CREB5: variants seen among roughly 807,000 people sequenced by gnomAD.
CREB5 encodes cyclic AMP-responsive element-binding protein 5.
CREB5 carries 19 observed loss-of-function variants against 57.1 expected under a neutral mutation model. The ratio of observed to expected loss-of-function variants is 0.33; its 90% CI spans 0.23 to 0.49. The LOEUF is 0.49. Ranked by LOEUF, CREB5 falls within the 20% of genes least tolerant of loss-of-function variation. The pLI is 0.99. For missense variants in CREB5, 579 were observed against 671.6 expected (o/e 0.86, Z 1.52); for synonymous variants, 238 against 238.3 (o/e 1.00, Z 0.01).
intron 5 of CREB5, among the ~76,000 whole-genome samples, chr7:28,682,985 G>A (rs761066914): frequency 4.6e-5 from 7 of 152,166 alleles, no homozygotes; most frequent in African/African-American, 9.7e-5. Context: ...GAACAGCTGC[G>A]CGGTACCCAC....
At chr7:28,362,196 T>C (rs1786500560) in intron 1 of CREB5, among the ~76,000 whole-genome samples, 1 of 152,208 alleles carries the variant, frequency 6.6e-6, no homozygotes, top group South Asian at 2.1e-4. Flanking sequence ...TTAATATCTG[T>C]ATAGAATGGA....
intron 1 of CREB5, among the ~76,000 whole-genome samples, chr7:28,427,617 T>C (rs174026): frequency 0.59 from 89,978 of 151,630 alleles, 27,683 homozygotes; most frequent in East Asian, 0.96. Flanking sequence ...CAACACATTG[T>C]ATTTCCCCAC....
intron 5 of CREB5, among the ~76,000 whole-genome samples, chr7:28,709,031 T>A (rs1233012021): frequency 6.6e-6 from 1 of 152,236 alleles, no homozygotes; most frequent in Non-Finnish European, 1.5e-5. Flanking sequence ...AACTGAGAGA[T>A]GTCTTTCTGA....
At chr7:28,701,346 A>G (rs986822391) in intron 5 of CREB5, among the ~76,000 whole-genome samples, 2 of 152,180 alleles carry the variant, frequency 1.3e-5, no homozygotes, top group African/African-American at 4.8e-5. Flanking sequence ...GATAAAGCCA[A>G]TTAACTCATT....
intron 5 of CREB5, among the ~76,000 whole-genome samples, chr7:28,601,704 G>A (rs1431165299): frequency 6.6e-6 from 1 of 152,166 alleles, no homozygotes; most frequent in Non-Finnish European, 1.5e-5. Context: ...ACTTCTGGTT[G>A]CACTGGAAAC....
chr7:28,657,418 C>T (rs986743975), intron 5 of CREB5, among the ~76,000 whole-genome samples: 1 of 152,088 alleles, frequency 6.6e-6, no homozygotes, highest in Non-Finnish European at 1.5e-5. Context: ...CCACCATATC[C>T]CCTTGGCCTA....
In CREB5 at chr7:28,823,153, G is replaced by A. The variant is rs1433927061; in HGVS notation, c.*3874G>A. Reference sequence around the variant, plus strand: ...GCGGTAACAGACAAGCCTTTGGCTGGGGAGTTTTAAGCCTCGGTAACTGCT... The same window carrying A: ...GCGGTAACAGACAAGCCTTTGGCTGAGGAGTTTTAAGCCTCGGTAACTGCT... On this transcript the variant is annotated 3_prime_UTR_variant, in exon 11 of 11. Coordinates refer to ENST00000357727, the MANE Select transcript of CREB5 (RefSeq NM_182898.4). 6.6e-6 allele frequency: 1 copy of A among 152,512 alleles called. No individual in the cohort carries two copies. Among genetic ancestry groups the A allele is most frequent in the African/African-American group, 2.4e-5 (1 of 41,404 alleles). The allele number at this position is 152,512 out of a possible 1,614,324, so 9.4% of individuals were successfully genotyped here.
chr7:28,588,026 A>G (rs1796363472), intron 5 of CREB5, among the ~76,000 whole-genome samples: 1 of 152,026 alleles, frequency 6.6e-6, no homozygotes, highest in Non-Finnish European at 1.5e-5. Flanking sequence ...TTTGGGGCCA[A>G]CTCTCTGTGC....
chr7:28,560,995 CCT>C (rs1400386217), intron 4 of CREB5, among the ~76,000 whole-genome samples: 3,291 of 27,258 alleles, frequency 0.12, 695 homozygotes, highest in South Asian at 0.17. Context: ...CGTGTGTGTG[CCT>C]GCGTGTGCGT....
intron 5 of CREB5, among the ~76,000 whole-genome samples, chr7:28,663,755 C>A (rs1799706215): frequency 6.6e-6 from 1 of 152,158 alleles, no homozygotes; most frequent in Non-Finnish European, 1.5e-5. Flanking sequence ...TTCTAATCAT[C>A]TCTGTTTACA....
chr7:28,582,647 C>A (rs1796162794), intron 5 of CREB5, among the ~76,000 whole-genome samples: 1 of 152,126 alleles, frequency 6.6e-6, no homozygotes, highest in East Asian at 1.9e-4. Context: ...ATTATCTTCT[C>A]TACTAATTGA....
intron 1 of CREB5, among the ~76,000 whole-genome samples, chr7:28,413,217 C>A (rs1043910179): frequency 2.0e-5 from 3 of 151,518 alleles, no homozygotes. Context: ...ATGTGTCAAG[C>A]ATGAATTCCC....
intron 4 of CREB5, among the ~76,000 whole-genome samples, chr7:28,539,449 A>G (rs1794112810): frequency 6.6e-6 from 1 of 152,246 alleles, no homozygotes; most frequent in African/African-American, 2.4e-5. Flanking sequence ...TGTTTTACAA[A>G]TAAGGGAATT....
intron 7 of CREB5, among the ~76,000 whole-genome samples, chr7:28,780,020 C>T (rs140360099): frequency 5.6e-4 from 86 of 152,358 alleles, no homozygotes; most frequent in African/African-American, 2.0e-3. Flanking sequence ...CTGCCCTCCT[C>T]AGCCTCCCAA....
intron 5 of CREB5, among the ~76,000 whole-genome samples, chr7:28,626,606 C>T (rs1490092883): frequency 6.6e-6 from 1 of 152,166 alleles, no homozygotes; most frequent in East Asian, 1.9e-4. Context: ...ACTTCAAACC[C>T]TGGGGTGATG....
At chr7:28,494,875 TC>T in intron 2 of CREB5, 30 bp from the exon 3 acceptor site, 1 of 1,395,736 alleles carries the variant, frequency 7.2e-7, no homozygotes, top group Non-Finnish European at 9.5e-7. Flanking sequence ...GCTCCTCTTC[TC>T]CCCTCCCTTT....
intron 5 of CREB5, among the ~76,000 whole-genome samples, chr7:28,699,662 A>G (rs1801745850): frequency 6.6e-6 from 1 of 152,194 alleles, no homozygotes; most frequent in Admixed American, 6.5e-5. Context: ...GAAATACTGG[A>G]GTGAAAAAAA....
chr7:28,560,881 T>TGTGTGCGCGTGCGTGC (rs1554344374), intron 4 of CREB5, among the ~76,000 whole-genome samples: 2 of 46,206 alleles, frequency 4.3e-5, no homozygotes, highest in Non-Finnish European at 8.1e-5. Context: ...TGCGCGTGCG[T>TGTGTGCGCGTGCGTGC]GCGTGCGTGT....
intron 5 of CREB5, among the ~76,000 whole-genome samples, chr7:28,649,766 A>G (rs1255446035): frequency 6.6e-6 from 1 of 152,190 alleles, no homozygotes; most frequent in Non-Finnish European, 1.5e-5. Flanking sequence ...ATAATTTTTG[A>G]TGAATGATTA....
Sources: allele counts gnomAD v4.1 joint callset (sites outside exome capture counted in the v4.1 genomes callset), GRCh38; gene constraint gnomAD v4.1.1; transcripts MANE v1.5; gene names NCBI Gene and HGNC (gene_info 2026-07-23, HGNC 2026-07-21).